Variants in NSD1 observed in about 807,000 individuals in gnomAD.
NSD1 encodes the protein nuclear receptor binding SET domain protein 1.
NSD1 carries 26 observed loss-of-function variants against 242.7 expected under a neutral mutation model. The observed-to-expected ratio is 0.11, with a 90% CI of 0.08 to 0.15. The LOEUF (loss-of-function observed/expected upper bound fraction) is 0.15. Among genes scored for constraint, NSD1 ranks in the 10% least tolerant of loss-of-function variants. The pLI is 1.00. For missense variants in NSD1, 2,495 were observed against 3,272.8 expected, an observed-to-expected ratio of 0.76 and a Z score of 5.80; for synonymous variants, 1,106 against 1,178.1, an observed-to-expected ratio of 0.94 and a Z score of 1.25.
intron 5 of NSD1, chr5:177,229,919 T>C (rs1764927932): frequency 5.8e-6 from 1 of 173,860 alleles, no homozygotes; most frequent in South Asian, 9.2e-5. Context: ...AGTTTTTGTA[T>C]TTTTAGTAGA....
At chr5:177,183,913 T>C (rs1760896419) in intron 2 of NSD1, among the ~76,000 whole-genome samples, 2 of 152,332 alleles carry the variant, frequency 1.3e-5, no homozygotes, top group South Asian at 2.1e-4. Context: ...GCCTGACTTA[T>C]TTCATCTAAC....
At chr5:177,205,050 T>A (rs1204251972) in intron 4 of NSD1, among the ~76,000 whole-genome samples, 1 of 152,168 alleles carries the variant, frequency 6.6e-6, no homozygotes, top group Non-Finnish European at 1.5e-5. Context: ...GTTTCTTTGT[T>A]TTTGGAGACA....
At position 177,294,243 on chromosome 5, in the gene NSD1, C is replaced by T. The variant is rs778162462; in HGVS notation, c.6875C>T (p.Pro2292Leu). The T allele has an allele frequency of 1.2e-6, 2 of 1,613,414 alleles. No homozygotes were observed. The highest frequency in any genetic ancestry group is 8.5e-7 in the Non-Finnish European group (1 of 1,179,516). Residue 2292 changes from proline (P) to leucine (L), a missense_variant, in exon 23 of 23, where the codon CCT (proline) becomes CTT (leucine). Pro to Leu is a moderately conservative substitution (Grantham distance 98, BLOSUM62 -3). This residue lies in a region of NSD1 where 475 missense variants were observed against 563.7 expected (regional missense o/e 0.84). Transcript: ENST00000439151. The part of the protein sequence containing the change: ...PLERTDSRPQ[P>L]LDKVRDLAGS... ...GAGAGAACTGACTCCAGGCCCCAGC[C>T]TTTAGATAAGGTCAGAGACCTCGCT...
rs587784072 is a variant in NSD1 at position 177,209,827 on chromosome 5, G to A, written c.1428G>A (p.Leu476=). The A allele has an allele frequency of 6.2e-7, 1 of 1,614,162 alleles. No individual in the cohort carries two copies. Among genetic ancestry groups the A allele is most frequent in the Non-Finnish European group, 8.5e-7 (1 of 1,180,022 alleles). Residue 476 remains leucine, a synonymous_variant, in exon 5 of 23, where the codon TTG becomes TTA. Coordinates refer to ENST00000439151, the MANE Select transcript of NSD1 (RefSeq NM_022455.5). ...SEHDLLLNGC[L]KSLAFDSEHS... Reference sequence around the variant, plus strand: ...ATGACCTGTTGCTTAATGGCTGTTTGAAATCACTGGCTTTTGATTCTGAAC... The same window carrying A: ...ATGACCTGTTGCTTAATGGCTGTTTAAAATCACTGGCTTTTGATTCTGAAC...
At chr5:177,204,873 G>T (rs1266424899) in intron 4 of NSD1, among the ~76,000 whole-genome samples, 1 of 151,924 alleles carries the variant, frequency 6.6e-6, no homozygotes, top group Non-Finnish European at 1.5e-5. Flanking sequence ...AATTATTTTA[G>T]TCAACTTTAC....
In NSD1 at chr5:177,167,549, T is replaced by A. The variant is rs558778285; in HGVS notation, c.928-24335T>A. Among the ~76,000 whole-genome samples the A allele has an allele frequency of 7.5e-3, 1,129 of 151,390 alleles. 14 individuals are homozygous for A. The highest frequency in any genetic ancestry group is 0.022 in the African/African-American group (927 of 41,208). On this transcript the variant is annotated intron_variant, in intron 2 of 22. Coordinates refer to ENST00000439151, the MANE Select transcript of NSD1 (RefSeq NM_022455.5). Reference sequence around the variant, plus strand: ...AAACTCTATCTCAAAAAAAAAAAAATATATTTGTGAGGCTTTATTTCTGAA... The same window carrying A: ...AAACTCTATCTCAAAAAAAAAAAAAAATATTTGTGAGGCTTTATTTCTGAA...
intron 9 of NSD1, among the ~76,000 whole-genome samples, chr5:177,245,956 C>G (rs926542825): frequency 9.4e-6 from 1 of 106,698 alleles, no homozygotes; most frequent in Admixed American, 1.0e-4. Context: ...CATCTTAATC[C>G]TTTTATTTTT....
intron 8 of NSD1, 119 bp downstream of exon 8, chr5:177,239,984 G>T (rs1398242753): frequency 1.8e-5 from 12 of 664,240 alleles, no homozygotes; most frequent in South Asian, 3.4e-5. Flanking sequence ...TAGTGTGTGT[G>T]TCAGCAGTCA....
intron 17 of NSD1, among the ~76,000 whole-genome samples, chr5:177,276,451 A>G (rs1758390680): frequency 6.6e-6 from 1 of 151,436 alleles, no homozygotes; most frequent in Non-Finnish European, 1.5e-5. Context: ...CAGCCTCCTG[A>G]GTAGCTGGGA....
intron 14 of NSD1, chr5:177,264,957 C>CTACA: frequency 1.1e-6 from 1 of 922,414 alleles, no homozygotes; most frequent in Non-Finnish European, 1.8e-6. Flanking sequence ...CTGGAAGAGT[C>CTACA]TACAGTGTTA....
chr5:177,181,565 AC>A (rs1293925791), intron 2 of NSD1, among the ~76,000 whole-genome samples: 3 of 150,762 alleles, frequency 2.0e-5, no homozygotes, highest in African/African-American at 7.3e-5. Context: ...AGCTGGGATT[AC>A]AGGTGCCTGC....
chr5:177,176,982 A>G (rs1760256593), intron 2 of NSD1, among the ~76,000 whole-genome samples: 1 of 152,180 alleles, frequency 6.6e-6, no homozygotes, highest in African/African-American at 2.4e-5. Flanking sequence ...TATTGTGAGG[A>G]TTCTGTTACA....
chr5:177,271,907 G>A (rs1757968994), intron 16 of NSD1, among the ~76,000 whole-genome samples: 1 of 151,986 alleles, frequency 6.6e-6, no homozygotes, highest in Non-Finnish European at 1.5e-5. Flanking sequence ...CAGCACTATG[G>A]GGTCAGGAGT....
chr5:177,186,795 C>T (rs1297113094), intron 2 of NSD1, among the ~76,000 whole-genome samples: 1 of 151,966 alleles, frequency 6.6e-6, no homozygotes, highest in Non-Finnish European at 1.5e-5. Context: ...TCGAAAGCAG[C>T]CTGGGGAACA....
chr5:177,275,435 CTTTTTTTTT>C (rs749631943), intron 17 of NSD1, among the ~76,000 whole-genome samples: 22 of 50,144 alleles, frequency 4.4e-4, no homozygotes, highest in Non-Finnish European at 6.4e-4. Context: ...CTTCCCTTGT[CTTTTTTTTT>C]TTTTTTTTTT....
intron 3 of NSD1, among the ~76,000 whole-genome samples, chr5:177,200,800 G>A (rs1762455985): frequency 6.6e-6 from 1 of 151,544 alleles, no homozygotes; most frequent in Admixed American, 6.6e-5. Flanking sequence ...ACCACATTTT[G>A]TTTTTCCATT....
intron 2 of NSD1, among the ~76,000 whole-genome samples, chr5:177,159,030 G>GATATATATATATGAATGAT (rs1758497310): frequency 8.8e-6 from 1 of 113,868 alleles, no homozygotes; most frequent in African/African-American, 4.3e-5. Context: ...ATATATGAAT[G>GATATATATATATGAATGAT]ATATATATAT....
At chr5:177,257,222 T>G (rs1756543055) in intron 13 of NSD1, 71 bp downstream of exon 13, 2 of 1,259,744 alleles carry the variant, frequency 1.6e-6, no homozygotes, top group Non-Finnish European at 2.2e-6. Context: ...ATTTTCTTTT[T>G]TCTTTCTTTT....
chr5:177,217,901 C>T (rs997671844), intron 5 of NSD1, among the ~76,000 whole-genome samples: 7 of 151,816 alleles, frequency 4.6e-5, no homozygotes, highest in South Asian at 2.1e-4. Context: ...AACTCTTGAC[C>T]TTGTGATCTG....
Sources: allele counts gnomAD v4.1 joint callset (sites outside exome capture counted in the v4.1 genomes callset), GRCh38; gene constraint gnomAD v4.1.1; regional missense constraint gnomAD v4.1.1; transcripts MANE v1.5; gene names NCBI Gene and HGNC (gene_info 2026-07-23, HGNC 2026-07-21).